Variants in FAM24B observed in about 807,000 individuals in gnomAD.
FAM24B encodes the protein family with sequence similarity 24 member B.
In FAM24B, 3 loss-of-function variants were observed where a neutral mutation model predicts 2.3. That is an observed-to-expected ratio of 1.29 (90% confidence interval 0.59 to 3.32). The LOEUF (loss-of-function observed/expected upper bound fraction) is 3.32, where lower values mean the gene tolerates loss of function less well. Among genes scored for constraint, FAM24B ranks in the 30% most tolerant of loss-of-function variants. FAM24B has a pLI of 0.03. For missense variants in FAM24B, 98 were observed against 117.2 expected, an observed-to-expected ratio of 0.84 and a Z score of 0.76; for synonymous variants, 36 against 46.3, an observed-to-expected ratio of 0.78 and a Z score of 0.90.
intron 2 of FAM24B, among the ~76,000 whole-genome samples, chr10:122,852,370 G>A (rs940232786): frequency 2.6e-5 from 4 of 152,176 alleles, no homozygotes; most frequent in African/African-American, 4.8e-5. Flanking sequence ...AGGGACTAGC[G>A]GAATATTTAA....
chr10:122,869,767 T>A (rs886836359), intron 1 of FAM24B, among the ~76,000 whole-genome samples: 10 of 152,012 alleles, frequency 6.6e-5, no homozygotes, highest in Non-Finnish European at 1.3e-4. Context: ...CCAGAATCTC[T>A]GGGACACATT....
At chr10:122,878,680 G>A (rs1444142892) in intron 1 of FAM24B, among the ~76,000 whole-genome samples, 1 of 151,950 alleles carries the variant, frequency 6.6e-6, no homozygotes, top group African/African-American at 2.4e-5. Context: ...TCCTGGAATT[G>A]TTCCGATGAA....
intron 1 of FAM24B, among the ~76,000 whole-genome samples, chr10:122,866,532 A>AT (rs780644971): frequency 6.3e-4 from 96 of 152,134 alleles, no homozygotes; most frequent in Non-Finnish European, 1.1e-3. Flanking sequence ...TATCAGTGCC[A>AT]TTTTTCCAAC....
At chr10:122,867,360 T>G (rs1417221108) in intron 1 of FAM24B, among the ~76,000 whole-genome samples, 1 of 152,206 alleles carries the variant, frequency 6.6e-6, no homozygotes, top group Non-Finnish European at 1.5e-5. Flanking sequence ...GCTCCACCTC[T>G]GGGGGCAGGG....
intron 1 of FAM24B, among the ~76,000 whole-genome samples, chr10:122,867,220 T>G (rs1372657756): frequency 6.6e-6 from 1 of 152,014 alleles, no homozygotes; most frequent in Non-Finnish European, 1.5e-5. Context: ...AAGAACAGAT[T>G]GAAGGTGGCA....
chr10:122,878,448 G>A lies in FAM24B; in HGVS notation c.-178+1037C>T, dbSNP rs1033924013. On this transcript the variant is annotated intron_variant, in intron 1 of 3. Transcript: ENST00000368898. ...CTCAGAAGGCTGAGGCAGGAGAATC[G>A]CTTGAACCCAAGAGGCGGAAGTTGC... Among the ~76,000 whole-genome samples, 6 of 151,888 alleles carry A rather than the reference G, an allele frequency of 4.0e-5. No homozygotes were observed. The South Asian group carries it at 6.2e-4, about 16-fold the overall frequency.
At position 122,853,891 on chromosome 10, in the gene FAM24B, G is replaced by A. The variant is rs149106373; in HGVS notation, c.-36+1754C>T. Among the ~76,000 whole-genome samples, 6 of 152,278 alleles carry A rather than the reference G, an allele frequency of 3.9e-5. No individual in the cohort carries two copies. In the East Asian group the frequency reaches 5.8e-4, roughly 15 times the overall value. On this transcript the variant is annotated intron_variant, in intron 2 of 3. Transcript: ENST00000368898. ...CATGGGGGTGACTACTTCATCTCTC[G>A]GTTTCCCTCTATTTCTGTGGTTACC...
chr10:122,851,809 G>A (rs997379816), intron 2 of FAM24B, among the ~76,000 whole-genome samples: 2 of 152,102 alleles, frequency 1.3e-5, no homozygotes, highest in Non-Finnish European at 2.9e-5. Context: ...TACTTTTAAA[G>A]TCTTTTAAAT....
At chr10:122,871,720 A>T (rs1176647616) in intron 1 of FAM24B, among the ~76,000 whole-genome samples, 1 of 152,148 alleles carries the variant, frequency 6.6e-6, no homozygotes, top group Non-Finnish European at 1.5e-5. Context: ...GTGCTGGGAA[A>T]ACTGGCTAGC....
intron 2 of FAM24B, among the ~76,000 whole-genome samples, chr10:122,851,934 C>T (rs773129946): frequency 2.6e-5 from 4 of 152,094 alleles, no homozygotes; most frequent in Non-Finnish European, 4.4e-5. Context: ...GAAATTATGT[C>T]ATTGGAAACT....
chr10:122,875,549 A>T (rs766156665), intron 1 of FAM24B, among the ~76,000 whole-genome samples: 7 of 152,214 alleles, frequency 4.6e-5, no homozygotes, highest in African/African-American at 7.2e-5. Context: ...AGGCTACTTG[A>T]TTCATGTCAA....
chr10:122,866,220 ATGCC>A (rs1847802263), intron 1 of FAM24B, among the ~76,000 whole-genome samples: 1 of 152,022 alleles, frequency 6.6e-6, no homozygotes, highest in South Asian at 2.1e-4. Flanking sequence ...TATCCTTTTA[ATGCC>A]TGTGGAATCA....
intron 1 of FAM24B, among the ~76,000 whole-genome samples, chr10:122,874,217 G>A (rs889037624): frequency 1.3e-5 from 2 of 152,180 alleles, no homozygotes; most frequent in South Asian, 4.1e-4. Context: ...GGTTGTTGAA[G>A]TCTCCAAGAG....
intron 1 of FAM24B, among the ~76,000 whole-genome samples, chr10:122,863,148 G>GA (rs1202552206): frequency 6.6e-6 from 1 of 152,148 alleles, no homozygotes; most frequent in Non-Finnish European, 1.5e-5. Flanking sequence ...CCATGTTGAA[G>GA]AATCTCTGTG....
At chr10:122,869,445 C>A (rs1345177532) in intron 1 of FAM24B, among the ~76,000 whole-genome samples, 2 of 152,204 alleles carry the variant, frequency 1.3e-5, no homozygotes, top group African/African-American at 4.8e-5. Context: ...TAACAGACAT[C>A]TACAGAACTC....
At chr10:122,859,093 G>C (rs1847687145) in intron 1 of FAM24B, among the ~76,000 whole-genome samples, 1 of 152,126 alleles carries the variant, frequency 6.6e-6, no homozygotes, top group African/African-American at 2.4e-5. Flanking sequence ...ATAAGACAAG[G>C]CAAGAACTGA....
chr10:122,877,462 G>A lies in FAM24B; in HGVS notation c.-178+2023C>T, dbSNP rs537630107. 5.9e-5 allele frequency among the ~76,000 whole-genome samples: 9 copies of A among 152,282 alleles called. No individual in the cohort carries two copies. In the South Asian group the frequency reaches 1.9e-3, roughly 32 times the overall value. ...ACTTCTGGGTGGGGCTGTAGGAATG[G>A]TGGGTGTCAGACATGCAAAAAAACC... On this transcript the variant is annotated intron_variant, in intron 1 of 3. Coordinates refer to ENST00000368898, the MANE Select transcript of FAM24B (RefSeq NM_152644.3).
chr10:122,878,685 G>A (rs896751245), intron 1 of FAM24B, among the ~76,000 whole-genome samples: 4 of 151,794 alleles, frequency 2.6e-5, no homozygotes, highest in Non-Finnish European at 4.4e-5. Flanking sequence ...GAATTGTTCC[G>A]ATGAAAGCTA....
intron 3 of FAM24B, 125 bp from the exon 4 acceptor site, chr10:122,849,564 C>T (rs959440776): frequency 8.1e-6 from 6 of 745,000 alleles, no homozygotes; most frequent in Admixed American, 3.2e-5. Flanking sequence ...ACCAGCCCTA[C>T]ATTAAAGCTC....
Sources: allele counts gnomAD v4.1 joint callset (sites outside exome capture counted in the v4.1 genomes callset), GRCh38; gene constraint gnomAD v4.1.1; transcripts MANE v1.5; gene names NCBI Gene and HGNC (gene_info 2026-07-23, HGNC 2026-07-21).